CTNNA3: variants seen among roughly 807,000 people sequenced by gnomAD.
CTNNA3 encodes the protein catenin alpha 3.
In CTNNA3, 76 loss-of-function variants were observed where a neutral mutation model predicts 95.7. That is an observed-to-expected ratio of 0.79 (90% confidence interval 0.66 to 0.96). The LOEUF (loss-of-function observed/expected upper bound fraction) is 0.96, where lower values mean the gene tolerates loss of function less well. Ranked by LOEUF, CTNNA3 falls within the 40% of genes least tolerant of loss-of-function variation. The probability of loss-of-function intolerance (pLI) is 0.00; values close to 1 mark genes in which losing one functional copy is unlikely to be tolerated. For missense variants in CTNNA3, 1,191 were observed against 1,089.8 expected, an observed-to-expected ratio of 1.09 and a Z score of -1.31; for synonymous variants, 431 against 374.4, an observed-to-expected ratio of 1.15 and a Z score of -1.74.
intron 2 of CTNNA3, among the ~76,000 whole-genome samples, chr10:67,641,847 G>A (rs1480449212): frequency 6.6e-6 from 1 of 152,134 alleles, no homozygotes; most frequent in East Asian, 1.9e-4. Flanking sequence ...TCACACACCT[G>A]GGCCTGTCGT....
At chr10:67,521,487 T>G (rs937519721) in intron 5 of CTNNA3, among the ~76,000 whole-genome samples, 9 of 152,210 alleles carry the variant, frequency 5.9e-5, no homozygotes, top group Admixed American at 5.9e-4. Context: ...CAGGTGATTT[T>G]TCTCCCCAGG....
chr10:67,691,660 C>T (rs1327674314), intron 1 of CTNNA3, among the ~76,000 whole-genome samples: 6 of 151,910 alleles, frequency 3.9e-5, no homozygotes, highest in South Asian at 2.1e-4. Context: ...GCCCGGCAGC[C>T]GCCCCATCTG....
intron 13 of CTNNA3, among the ~76,000 whole-genome samples, chr10:66,183,492 T>C (rs2086160611): frequency 6.6e-6 from 1 of 152,246 alleles, no homozygotes; most frequent in Non-Finnish European, 1.5e-5. Context: ...TGAATATAAG[T>C]GTAGCTTATC....
intron 1 of CTNNA3, among the ~76,000 whole-genome samples, chr10:67,671,777 G>C (rs1224175268): frequency 1.3e-5 from 2 of 151,762 alleles, no homozygotes; most frequent in Admixed American, 6.6e-5. Context: ...CATTTGGGTT[G>C]GTTCCAAGTC....
intron 9 of CTNNA3, among the ~76,000 whole-genome samples, chr10:66,740,674 A>G (rs1849298944): frequency 6.6e-6 from 1 of 152,222 alleles, no homozygotes; most frequent in African/African-American, 2.4e-5. Flanking sequence ...AGACACAAAC[A>G]GAAGCTCCTT....
intron 2 of CTNNA3, among the ~76,000 whole-genome samples, chr10:67,614,448 C>T (rs764934841): frequency 2.6e-5 from 4 of 152,142 alleles, no homozygotes; most frequent in African/African-American, 4.8e-5. Context: ...CACAACTAGA[C>T]GGTCCCATCT....
chr10:66,070,084 C>T (rs2080403884), intron 14 of CTNNA3, among the ~76,000 whole-genome samples: 2 of 152,082 alleles, frequency 1.3e-5, no homozygotes, highest in Non-Finnish European at 2.9e-5. Context: ...AAAATATTTT[C>T]ATATGTCTAA....
intron 11 of CTNNA3, among the ~76,000 whole-genome samples, chr10:66,404,193 C>T (rs535402639): frequency 6.6e-6 from 1 of 152,230 alleles, no homozygotes; most frequent in East Asian, 1.9e-4. Flanking sequence ...CCGTTTTCTA[C>T]ACCTTTATGA....
intron 7 of CTNNA3, among the ~76,000 whole-genome samples, chr10:67,080,471 C>T (rs1321956021): frequency 2.0e-5 from 3 of 152,112 alleles, no homozygotes; most frequent in African/African-American, 7.2e-5. Flanking sequence ...GTCCCAGCAT[C>T]GCAATACATC....
chr10:66,168,281 T>C (rs2085242515), intron 13 of CTNNA3, among the ~76,000 whole-genome samples: 1 of 152,182 alleles, frequency 6.6e-6, no homozygotes, highest in Admixed American at 6.5e-5. Context: ...GCCACAGCTA[T>C]AGGCAGGCAA....
intron 14 of CTNNA3, among the ~76,000 whole-genome samples, chr10:66,089,876 A>G (rs2081147209): frequency 6.6e-6 from 1 of 151,926 alleles, no homozygotes; most frequent in Non-Finnish European, 1.5e-5. Flanking sequence ...CAAAAACAAT[A>G]GCAAACAAAA....
intron 13 of CTNNA3, among the ~76,000 whole-genome samples, chr10:66,251,523 CA>C (rs2090551696): frequency 6.6e-6 from 1 of 151,910 alleles, no homozygotes; most frequent in Non-Finnish European, 1.5e-5. Flanking sequence ...TCTACCAAGG[CA>C]ATTATAGTAG....
intron 5 of CTNNA3, among the ~76,000 whole-genome samples, chr10:67,236,773 G>A (rs1229267624): frequency 6.6e-6 from 1 of 151,418 alleles, no homozygotes; most frequent in Admixed American, 6.6e-5. Flanking sequence ...AAAACTACAA[G>A]GCAATACCAC....
chr10:66,543,503 A>T (rs1841932434), intron 10 of CTNNA3, among the ~76,000 whole-genome samples: 1 of 152,196 alleles, frequency 6.6e-6, no homozygotes, highest in African/African-American at 2.4e-5. Flanking sequence ...AATAAATTAA[A>T]AATATATGTG....
At chr10:67,403,896 G>A (rs371594942) in intron 5 of CTNNA3, among the ~76,000 whole-genome samples, 188 of 152,264 alleles carry the variant, frequency 1.2e-3, no homozygotes, top group African/African-American at 4.1e-3. Flanking sequence ...AGCCTTCACC[G>A]GTAATACCTA....
intron 10 of CTNNA3, among the ~76,000 whole-genome samples, chr10:66,603,666 A>G (rs1844012161): frequency 6.6e-6 from 1 of 152,142 alleles, no homozygotes; most frequent in Non-Finnish European, 1.5e-5. Flanking sequence ...ATCATACTAC[A>G]TGGTTTTCAA....
At position 66,919,673 on chromosome 10, in the gene CTNNA3, CA is replaced by C. The variant is rs1215289824; in HGVS notation, c.1048-144150del. Among the ~76,000 whole-genome samples, 5 of 152,260 alleles carry C rather than the reference CA, an allele frequency of 3.3e-5. No homozygotes were observed. In the East Asian group the frequency reaches 7.7e-4, roughly 24 times the overall value. ...TTTATCTAAGTCAGAGATATTCACT[CA>C]TAACCATATGTGACCAGACAGGGTT... On this transcript the variant is annotated intron_variant, in intron 7 of 17. Coordinates refer to ENST00000433211, the MANE Select transcript of CTNNA3 (RefSeq NM_013266.4).
intron 3 of CTNNA3, among the ~76,000 whole-genome samples, chr10:67,571,907 TTTAAA>T (rs1194075729): frequency 2.0e-5 from 3 of 152,212 alleles, no homozygotes; most frequent in African/African-American, 4.8e-5. Context: ...ATTGAAAAAC[TTTAAA>T]TTATGAGTAT....
At chr10:66,103,732 A>G (rs562343780) in intron 13 of CTNNA3, among the ~76,000 whole-genome samples, 53 of 152,280 alleles carry the variant, frequency 3.5e-4, no homozygotes, top group African/African-American at 1.2e-3. Context: ...GAAAGGGGAA[A>G]TGGGCAATGA....
Sources: allele counts gnomAD v4.1 joint callset (sites outside exome capture counted in the v4.1 genomes callset), GRCh38; gene constraint gnomAD v4.1.1; transcripts MANE v1.5; gene names NCBI Gene and HGNC (gene_info 2026-07-23, HGNC 2026-07-21).